The following TGIF1 variants were observed in gnomAD, a reference collection of about 807,000 sequenced individuals.
TGIF1 encodes the protein homeobox protein TGIF1.
Under a neutral mutation model 19.3 loss-of-function variants are expected in TGIF1, and 4 were observed. That is an observed-to-expected ratio of 0.21 (90% confidence interval 0.10 to 0.47). The LOEUF (loss-of-function observed/expected upper bound fraction) is 0.47. Ranked by LOEUF, TGIF1 falls within the 20% of genes least tolerant of loss-of-function variation. TGIF1 has a pLI of 0.98. For missense variants in TGIF1, 275 were observed against 341.4 expected, an observed-to-expected ratio of 0.81 and a Z score of 1.53; for synonymous variants, 122 against 129.3, an observed-to-expected ratio of 0.94 and a Z score of 0.38.
chr18:3,413,812 T>C (rs2082298936), intron 1 of TGIF1, among the ~76,000 whole-genome samples: 1 of 152,224 alleles, frequency 6.6e-6, no homozygotes, highest in Non-Finnish European at 1.5e-5. Flanking sequence ...GGAATTATTT[T>C]TACAAATTCA....
intron 2 of TGIF1, among the ~76,000 whole-genome samples, chr18:3,419,871 T>TG (rs2082378985): frequency 6.6e-6 from 1 of 152,128 alleles, no homozygotes; most frequent in South Asian, 2.1e-4. Context: ...CTGGGCATGG[T>TG]GGTGCCTGCC....
At chr18:3,445,480 T>C (rs977721840), upstream of TGIF1, among the ~76,000 whole-genome samples, 1 of 151,590 alleles carries the variant, frequency 6.6e-6, no homozygotes, top group Non-Finnish European at 1.5e-5. Flanking sequence ...ATCCCAGCAC[T>C]TTGGGAGGCT....
intron 1 of TGIF1, chr18:3,455,934 G>C: frequency 3.6e-6 from 1 of 278,572 alleles, no homozygotes; most frequent in East Asian, 8.8e-5. Flanking sequence ...GGACTGGTTA[G>C]GTTGCTTTTC....
intron 2 of TGIF1, among the ~76,000 whole-genome samples, chr18:3,432,420 AT>A (rs1202349589): frequency 6.6e-6 from 1 of 152,060 alleles, no homozygotes; most frequent in East Asian, 1.9e-4. Flanking sequence ...AAAGGACATT[AT>A]TTGACAACAA....
chr18:3,457,988 T>C lies in TGIF1; in HGVS notation c.*48T>C, dbSNP rs2049419268. ...CTCAGAAATGTCATGATTGCCGGGG[T>C]GAAGGCAAGAGATGAATTGCATTAT... On this transcript the variant is annotated 3_prime_UTR_variant, in exon 3 of 3. Coordinates refer to ENST00000343820, the MANE Select transcript of TGIF1 (RefSeq NM_003244.4). This position sits in a 1 kb window ranked among gnomAD's most constrained non-coding sequence, Gnocchi z 4.9. The C allele has an allele frequency of 6.5e-7, 1 of 1,538,320 alleles. No homozygotes were observed. Among genetic ancestry groups the C allele is most frequent in the African/African-American group, 1.4e-5 (1 of 73,594 alleles).
chr18:3,436,237 G>A lies in TGIF1; in HGVS notation c.-45+18022G>A, dbSNP rs548245622. 4.6e-5 allele frequency among the ~76,000 whole-genome samples: 7 copies of A among 152,216 alleles called. No homozygotes were observed. The South Asian group carries it at 1.5e-3, about 32-fold the overall frequency. ...TTTTTTTATTAACTTAAAAAATAAT[G>A]CCTATTGCTTTTTATGATGATAAAA... On this transcript the variant is annotated intron_variant, in intron 2 of 3. Coordinates refer to the TGIF1 transcript ENST00000401449.
chr18:3,445,433 A>T (rs887467922), upstream of TGIF1, among the ~76,000 whole-genome samples: 1 of 152,130 alleles, frequency 6.6e-6, no homozygotes, highest in African/African-American at 2.4e-5. Context: ...TAGTTAAAAA[A>T]TGAGAAGAAG....
intron 2 of TGIF1, among the ~76,000 whole-genome samples, chr18:3,433,071 TTC>T (rs201895042): frequency 0.011 from 1,579 of 147,024 alleles, 26 homozygotes; most frequent in African/African-American, 0.038. Context: ...CTTCTTCTTC[TTC>T]TTTTTTTTTT....
At chr18:3,448,257 C>CCTCCTCCCTGCGTCT, upstream of TGIF1, 1 of 985,448 alleles carries the variant, frequency 1.0e-6, no homozygotes, top group East Asian at 1.1e-4. Flanking sequence ...GCCCCCGGCT[C>CCTCCTCCCTGCGTCT]CTCCTCCCTG....
At chr18:3,442,750 A>G (rs1186147411) in intron 2 of TGIF1, among the ~76,000 whole-genome samples, 1 of 152,148 alleles carries the variant, frequency 6.6e-6, no homozygotes, top group African/African-American at 2.4e-5. Flanking sequence ...AAAATCTTTA[A>G]AAAATAATGT....
chr18:3,415,192 C>T (rs1401687852), intron 1 of TGIF1: 1 of 211,894 alleles, frequency 4.7e-6, no homozygotes, highest in African/African-American at 2.3e-5. Context: ...TTGCTCTCAT[C>T]CTGGAGTGGC....
At position 3,450,520 on chromosome 18, in the gene TGIF1, G is replaced by T; in HGVS notation, c.16+15G>T. On this transcript the variant is annotated intron_variant, in intron 1 of 2. Transcript: ENST00000343820. ...AGGCAAGAAAGGTAAGGCGGCCGCG[G>T]GCTGCGCGCACCAGAAGACGCGAGT... 6.4e-7 allele frequency: 1 copy of T among 1,560,142 alleles called. No individual in the cohort carries two copies. Among genetic ancestry groups the T allele is most frequent in the Non-Finnish European group, 8.7e-7 (1 of 1,152,472 alleles).
At position 3,418,736 on chromosome 18, in the gene TGIF1, G is replaced by T. The variant is rs2082363706; in HGVS notation, c.-45+521G>T. 4 of 152,314 alleles carry T rather than the reference G, an allele frequency of 2.6e-5. No homozygotes were observed. The Middle Eastern group carries it at 0.01, about 386-fold the overall frequency. 9.4% of individuals were successfully genotyped at this position (152,314 alleles called of 1,614,324 possible). A position where few individuals can be genotyped will look rare whatever the true frequency, so the allele number is the denominator to read the frequency against. ...CTAAAGATGAGTAGGAATAGTGAGA[G>T]ATGGACTCATTGGACTCTTATTTAG... On this transcript the variant is annotated intron_variant, in intron 2 of 3. Coordinates refer to the TGIF1 transcript ENST00000401449.
At chr18:3,422,938 C>T (rs949334277) in intron 2 of TGIF1, among the ~76,000 whole-genome samples, 1 of 152,028 alleles carries the variant, frequency 6.6e-6, no homozygotes, top group East Asian at 1.9e-4. Flanking sequence ...ATCCACCTGC[C>T]TCGGCCTCCC....
At chr18:3,436,589 C>A (rs1419654344) in intron 2 of TGIF1, among the ~76,000 whole-genome samples, 1 of 151,666 alleles carries the variant, frequency 6.6e-6, no homozygotes, top group African/African-American at 2.4e-5. Context: ...GAGGCTGAGG[C>A]AGGTGGATCA....
intron 2 of TGIF1, among the ~76,000 whole-genome samples, chr18:3,421,681 G>A (rs1403004893): frequency 6.6e-6 from 1 of 151,636 alleles, no homozygotes; most frequent in East Asian, 1.9e-4. Context: ...TAAAGTGTTG[G>A]GATTACAGGC....
chr18:3,448,213 T>G, upstream of TGIF1: 1 of 985,122 alleles, frequency 1.0e-6, no homozygotes, highest in Non-Finnish European at 1.2e-6. Context: ...ACGAGGCTCC[T>G]GCCACTCAGG....
At position 3,451,720 on chromosome 18, in the gene TGIF1, T is replaced by C. The variant is rs1383089530; in HGVS notation, c.16+1215T>C. 2 of 1,237,220 alleles carry C rather than the reference T, an allele frequency of 1.6e-6. No homozygotes were observed. Among genetic ancestry groups the C allele is most frequent in the Admixed American group, 7.9e-5 (2 of 25,216 alleles). The allele number at this position is 1,237,220 out of a possible 1,614,324, so 76.6% of individuals were successfully genotyped here. A position where few individuals can be genotyped will look rare whatever the true frequency, so the allele number is the denominator to read the frequency against. ...CGGAGCTTCCCTCTGCCTCCAGGCTTTCCCAGCGAGAGTGAAATTAAACTT... is the reference window on the plus strand; with the variant it reads ...CGGAGCTTCCCTCTGCCTCCAGGCTCTCCCAGCGAGAGTGAAATTAAACTT... On this transcript the variant is annotated intron_variant, in intron 1 of 2. Coordinates refer to ENST00000343820, the MANE Select transcript of TGIF1 (RefSeq NM_003244.4). This position sits in a 1 kb window ranked among gnomAD's most constrained non-coding sequence, Gnocchi z 5.4.
At position 3,451,127 on chromosome 18, in the gene TGIF1, C is replaced by T. The variant is rs2082911262; in HGVS notation, c.16+622C>T. ...AGCTAGACTTTTACAAATCCCCAGT[C>T]TCTAAAAGTTTTCCCACGATGAATT... On this transcript the variant is annotated intron_variant, in intron 1 of 2. Transcript: ENST00000343820. This position sits in a 1 kb window ranked among gnomAD's most constrained non-coding sequence, Gnocchi z 5.4. Among the ~76,000 whole-genome samples the T allele has an allele frequency of 6.6e-6, 1 of 151,286 alleles. No individual in the cohort carries two copies.
Sources: allele counts gnomAD v4.1 joint callset (sites outside exome capture counted in the v4.1 genomes callset), GRCh38; gene constraint gnomAD v4.1.1; non-coding constraint Gnocchi (gnomAD v3.1); transcripts MANE v1.5; gene names NCBI Gene and HGNC (gene_info 2026-07-23, HGNC 2026-07-21).